KRIT1: variants seen among roughly 807,000 people sequenced by gnomAD.
KRIT1 encodes the protein KRIT1 ankyrin repeat containing.
Under a neutral mutation model 95.8 loss-of-function variants are expected in KRIT1, and 45 were observed. The observed-to-expected ratio is 0.47, with a 90% confidence interval of 0.37 to 0.60. The LOEUF is 0.60. Ranked by LOEUF, KRIT1 falls within the 20% of genes least tolerant of loss-of-function variation. KRIT1 has a pLI of 0.00. For synonymous variants in KRIT1, 282 were observed against 278.8 expected, an observed-to-expected ratio of 1.01 and a Z score of -0.11; for missense variants, 788 against 877.5, an observed-to-expected ratio of 0.90 and a Z score of 1.29.
chr7:92,224,020 T>C (rs1033107653), intron 12 of KRIT1, among the ~76,000 whole-genome samples: 1 of 152,234 alleles, frequency 6.6e-6, no homozygotes, highest in African/African-American at 2.4e-5. Context: ...TAAGGGTACC[T>C]GTACTGCTTG....
chr7:92,235,340 A>G (rs1798201351), intron 8 of KRIT1, 63 bp downstream of exon 8: 17 of 1,543,740 alleles, frequency 1.1e-5, no homozygotes, highest in Middle Eastern at 2.2e-4. Context: ...TATCTCAGGA[A>G]AAAAAATTAC....
intron 6 of KRIT1, 69 bp from the exon 7 acceptor site, chr7:92,236,611 A>G (rs1798489748): frequency 9.6e-7 from 1 of 1,044,292 alleles, no homozygotes. Flanking sequence ...TCATCTAAAA[A>G]TACATGTTAG....
At chr7:92,207,377 A>C (rs1791783735) in intron 17 of KRIT1, among the ~76,000 whole-genome samples, 1 of 152,088 alleles carries the variant, frequency 6.6e-6, no homozygotes, top group African/African-American at 2.4e-5. Context: ...AGTTAAAGAA[A>C]AAAAAAAAGC....
rs778516356 is a variant in KRIT1 at position 92,235,469 on chromosome 7, G to A, written c.663C>T (p.Ala221=). ...SALEIKSKML[A]LEKADTCIYN... is the part of the protein sequence containing the mutation. Reference sequence around the variant, plus strand: ...AAATACAGGTATCTGCTTTCTCTAGGGCTAACATTTTACTCTTTATTTCTA... The same window carrying A: ...AAATACAGGTATCTGCTTTCTCTAGAGCTAACATTTTACTCTTTATTTCTA... The change falls in exon 8 of 19, where the codon GCC becomes GCT. Residue 221 remains alanine, a synonymous_variant. Coordinates refer to ENST00000394505, the MANE Select transcript of KRIT1 (RefSeq NM_194454.3). 1.2e-5 allele frequency: 20 copies of A among 1,613,332 alleles called. 2 individuals carry two copies. Among genetic ancestry groups the A allele is most frequent in the South Asian group, 5.5e-5 (5 of 91,062 alleles).
At chr7:92,240,916 A>G (rs1799477936) in intron 5 of KRIT1, 77 bp downstream of exon 5, 1 of 1,159,742 alleles carries the variant, frequency 8.6e-7, no homozygotes, top group Non-Finnish European at 1.3e-6. Context: ...AATTGGTTTA[A>G]TATGTGTATA....
At chr7:92,218,462 C>T (rs1794455939) in intron 14 of KRIT1, among the ~76,000 whole-genome samples, 2 of 151,318 alleles carry the variant, frequency 1.3e-5, no homozygotes, top group South Asian at 4.2e-4. Flanking sequence ...CTCATTGTAA[C>T]CTCTCCCTCC....
intron 17 of KRIT1, among the ~76,000 whole-genome samples, chr7:92,207,656 A>AGTTT (rs1791870460): frequency 6.6e-6 from 1 of 152,218 alleles, no homozygotes; most frequent in South Asian, 2.1e-4. Flanking sequence ...CAGGAGTTTG[A>AGTTT]GACCAGCGTG....
At chr7:92,243,365 T>A (rs973250579) in intron 3 of KRIT1, among the ~76,000 whole-genome samples, 1 of 152,222 alleles carries the variant, frequency 6.6e-6, no homozygotes, top group African/African-American at 2.4e-5. Context: ...CTTCTCCCCA[T>A]TTATTTGTCA....
rs1407891286 is a variant in KRIT1 at position 92,200,089 on chromosome 7, A to G, written c.*647T>C. 6.5e-6 allele frequency: 1 copy of G among 152,890 alleles called. No homozygotes were observed. Among genetic ancestry groups the G allele is most frequent in the Non-Finnish European group, 1.5e-5 (1 of 68,144 alleles). The allele number at this position is 152,890 out of a possible 1,614,324, so 9.5% of individuals were successfully genotyped here. On this transcript the variant is annotated 3_prime_UTR_variant, in exon 19 of 19. Transcript: ENST00000394505. ...TATTTTGAAATACACATGAAGTTAT[A>G]CCAAAGCTACATTTTAATCTCATCA...
intron 14 of KRIT1, among the ~76,000 whole-genome samples, chr7:92,215,889 T>TA (rs1392389564): frequency 6.6e-6 from 1 of 152,080 alleles, no homozygotes; most frequent in South Asian, 2.1e-4. Flanking sequence ...AATAAATACT[T>TA]AAAGTATTTC....
chr7:92,223,442 C>CA (rs976391928), intron 12 of KRIT1, among the ~76,000 whole-genome samples: 1,706 of 57,628 alleles, frequency 0.03, 25 homozygotes, highest in African/African-American at 0.057. Flanking sequence ...GACTCCATCT[C>CA]AAAAAAAAAA....
chr7:92,236,853 C>T (rs1405505631), intron 6 of KRIT1, among the ~76,000 whole-genome samples: 1 of 152,046 alleles, frequency 6.6e-6, no homozygotes, highest in Non-Finnish European at 1.5e-5. Context: ...CCTAAGTATG[C>T]CTGGAAAAAT....
In KRIT1 at chr7:92,226,692, AAAACAAAC is replaced by A. The variant is rs769773658; in HGVS notation, c.990-18_990-11del. ...CTCAACTTTTCCATACCTGTATAAA[AAAACAAAC>A]AAACAAAAAACAACAACAAAAAAAA... On this transcript the variant is annotated splice_polypyrimidine_tract_variant and intron_variant, in intron 10 of 18. Transcript: ENST00000394505. 1 of 1,612,084 alleles carries A rather than the reference AAAACAAAC, an allele frequency of 6.2e-7. No homozygotes were observed. Among genetic ancestry groups the A allele is most frequent in the South Asian group, 1.1e-5 (1 of 90,602 alleles).
At chr7:92,205,975 T>C (rs1290253730) in intron 17 of KRIT1, 2 of 152,260 alleles carry the variant, frequency 1.3e-5, no homozygotes, top group East Asian at 1.9e-4. Context: ...CCTGTGCACA[T>C]AGTGCCAGGA....
chr7:92,241,969 A>G, intron 4 of KRIT1, 65 bp downstream of exon 4: 1 of 888,226 alleles, frequency 1.1e-6, no homozygotes, highest in Non-Finnish European at 1.9e-6. Flanking sequence ...ATAAGGCTTT[A>G]TATGTGAATG....
At chr7:92,243,493 C>G (rs1428312943) in intron 3 of KRIT1, among the ~76,000 whole-genome samples, 1 of 152,116 alleles carries the variant, frequency 6.6e-6, no homozygotes, top group African/African-American at 2.4e-5. Flanking sequence ...AATGAGTTCC[C>G]TACTGCTGCA....
intron 15 of KRIT1, 70 bp downstream of exon 15, chr7:92,214,541 T>G: frequency 8.5e-7 from 1 of 1,172,516 alleles, no homozygotes; most frequent in East Asian, 2.4e-5. Flanking sequence ...TCTAATAACA[T>G]TTTTAAACTT....
At chr7:92,205,344 T>TCAA (rs375841118) in intron 17 of KRIT1, among the ~76,000 whole-genome samples, 23 of 151,654 alleles carry the variant, frequency 1.5e-4, no homozygotes, top group African/African-American at 1.9e-4. Flanking sequence ...GAAACTCATC[T>TCAA]CAACAACAAC....
At chr7:92,218,385 CTT>C (rs769129221) in intron 14 of KRIT1, among the ~76,000 whole-genome samples, 13 of 142,432 alleles carry the variant, frequency 9.1e-5, no homozygotes, top group Non-Finnish European at 9.3e-5. Context: ...GCCTGGCCTA[CTT>C]TTTTTTTTTT....
Sources: gnomAD v4.1 joint callset for allele counts (sites outside exome capture counted in the v4.1 genomes callset) on GRCh38, gnomAD v4.1.1 for gene constraint, MANE v1.5 for transcripts, NCBI Gene and HGNC (gene_info 2026-07-23, HGNC 2026-07-21) for gene names.